LHPP: variants seen among roughly 807,000 people sequenced by gnomAD.
The protein encoded by LHPP is phospholysine phosphohistidine inorganic pyrophosphate phosphatase.
LHPP carries 24 observed loss-of-function variants against 30.3 expected under a neutral mutation model. The observed-to-expected ratio is 0.79, with a 90% CI of 0.57 to 1.11. LHPP has a LOEUF of 1.11. Among genes scored for constraint, LHPP ranks in the 50% most tolerant of loss-of-function variants. The pLI is 0.00. For missense variants in LHPP, 356 were observed against 367.2 expected (o/e 0.97, Z 0.25); for synonymous variants, 150 against 157.1 (o/e 0.95, Z 0.34).
intron 6 of LHPP, among the ~76,000 whole-genome samples, chr10:124,595,334 T>C (rs1948929517): frequency 1.3e-5 from 2 of 152,188 alleles, no homozygotes; most frequent in Admixed American, 6.5e-5. Context: ...CAGAGCCCGG[T>C]TGTCCCCCAT....
At chr10:124,547,348 T>G (rs910540441) in intron 6 of LHPP, among the ~76,000 whole-genome samples, 3 of 152,280 alleles carry the variant, frequency 2.0e-5, no homozygotes, top group African/African-American at 7.2e-5. Context: ...GTTTTTAAAC[T>G]TTCTAATTTC....
Position 124,537,518 on chromosome 10 carries a change from G to A in LHPP, c.716+20247G>A, listed in dbSNP as rs375908609. Among the ~76,000 whole-genome samples, 20 of 152,362 alleles carry A rather than the reference G, an allele frequency of 1.3e-4. No homozygotes were observed. The East Asian group carries it at 1.5e-3, about 12-fold the overall frequency. The stretch of plus-strand genomic sequence containing the variant: ...GGTGGAGACTCCTGTCCACTGCTCA[G>A]CACTAGGCCTGCAGCAGACACCATG... On this transcript the variant is annotated intron_variant, in intron 6 of 6. Coordinates refer to ENST00000368842, the MANE Select transcript of LHPP (RefSeq NM_022126.4).
chr10:124,526,237 C>T, intron 6 of LHPP: 2 of 985,336 alleles, frequency 2.0e-6, no homozygotes, highest in Non-Finnish European at 2.4e-6. Flanking sequence ...AAGCGCGTTC[C>T]CCAGGAGCTG....
At chr10:124,512,473 G>A (rs1019934724) in intron 5 of LHPP, among the ~76,000 whole-genome samples, 5 of 151,828 alleles carry the variant, frequency 3.3e-5, no homozygotes, top group Admixed American at 6.6e-5. Context: ...AACAAACAGC[G>A]GGGCATGGTG....
At chr10:124,506,068 AC>A (rs1308763129) in intron 5 of LHPP, among the ~76,000 whole-genome samples, 12 of 151,940 alleles carry the variant, frequency 7.9e-5, no homozygotes, top group Non-Finnish European at 1.5e-4. Flanking sequence ...ACATGGTGAA[AC>A]CCTGTCTCTA....
chr10:124,518,538 G>A (rs184782987), intron 6 of LHPP, among the ~76,000 whole-genome samples: 11 of 152,366 alleles, frequency 7.2e-5, no homozygotes, highest in Admixed American at 3.3e-4. Flanking sequence ...CGCCCCATGC[G>A]TCTCAGGGCA....
In LHPP at chr10:124,484,301, G is replaced by A. The variant is rs752410913; in HGVS notation, c.288G>A (p.Leu96=). The change falls in exon 2 of 7, where the codon CTG becomes CTA. Residue 96 remains leucine (L), a synonymous_variant. Transcript: ENST00000368842. The part of the protein sequence containing the change: ...AACQILKEQG[L]RPYLLIHDGV... ...GCCAGATCCTGAAGGAGCAAGGCCT[G>A]CGACCATACCTGCTCATCCATGACG... is the stretch of plus-strand genomic sequence containing the variant. The A allele has an allele frequency of 3.1e-6, 5 of 1,613,848 alleles. No homozygotes were observed. Among genetic ancestry groups the A allele is most frequent in the Non-Finnish European group, 4.2e-6 (5 of 1,179,904 alleles).
At chr10:124,570,786 G>A (rs1305688493) in intron 6 of LHPP, among the ~76,000 whole-genome samples, 1 of 152,202 alleles carries the variant, frequency 6.6e-6, no homozygotes. Flanking sequence ...CTGTGTTACG[G>A]TGTGTATCAG....
chr10:124,604,597 G>A (rs1463356296), intron 6 of LHPP, among the ~76,000 whole-genome samples: 2 of 152,122 alleles, frequency 1.3e-5, no homozygotes, highest in African/African-American at 4.8e-5. Context: ...CCAGGCCCCC[G>A]GGGGTCTTGG....
intron 1 of LHPP, among the ~76,000 whole-genome samples, chr10:124,468,000 A>G (rs7091226): frequency 0.46 from 70,206 of 152,014 alleles, 17,210 homozygotes; most frequent in African/African-American, 0.6. Context: ...ATGAGCCACC[A>G]TGCCCAGCCC....
intron 5 of LHPP, among the ~76,000 whole-genome samples, chr10:124,500,714 G>A (rs1953872705): frequency 6.7e-6 from 1 of 149,858 alleles, no homozygotes; most frequent in African/African-American, 2.5e-5. Flanking sequence ...TTCACACTAA[G>A]ATGACTGTAT....
chr10:124,588,571 G>C (rs958630562), intron 6 of LHPP, among the ~76,000 whole-genome samples: 2 of 152,238 alleles, frequency 1.3e-5, no homozygotes, highest in South Asian at 2.1e-4. Context: ...CACAGTGCCC[G>C]GCCCAGCTTT....
intron 6 of LHPP, among the ~76,000 whole-genome samples, chr10:124,550,009 C>T (rs1367179846): frequency 1.3e-5 from 2 of 152,240 alleles, no homozygotes; most frequent in Non-Finnish European, 2.9e-5. Flanking sequence ...GGTGTCCTGA[C>T]CTTGGCATGC....
chr10:124,527,488 T>TG (rs1954771911), intron 6 of LHPP, among the ~76,000 whole-genome samples: 1 of 152,216 alleles, frequency 6.6e-6, no homozygotes, highest in Admixed American at 6.5e-5. Context: ...GTCCTCAGGT[T>TG]GGGGACAGCC....
At chr10:124,595,901 C>T (rs960945160) in intron 6 of LHPP, among the ~76,000 whole-genome samples, 2 of 152,180 alleles carry the variant, frequency 1.3e-5, no homozygotes, top group African/African-American at 4.8e-5. Context: ...GCACAGCCAC[C>T]CAGATGAAGA....
chr10:124,497,120 T>A, intron 4 of LHPP, 96 bp downstream of exon 4: 1 of 991,232 alleles, frequency 1.0e-6, no homozygotes, highest in Non-Finnish European at 1.6e-6. Context: ...TTAATTAACG[T>A]ACAAATGGCC....
intron 6 of LHPP, among the ~76,000 whole-genome samples, chr10:124,549,752 GGGCATGGCCGGGAAA>G (rs1174022162): frequency 6.6e-6 from 1 of 152,108 alleles, no homozygotes; most frequent in Non-Finnish European, 1.5e-5. Context: ...TGGCCGGGGT[GGGCATGGCCGGGAAA>G]GGCATGGCCT....
intron 6 of LHPP, among the ~76,000 whole-genome samples, chr10:124,558,811 C>T (rs968000486): frequency 5.9e-5 from 9 of 152,242 alleles, no homozygotes; most frequent in African/African-American, 1.7e-4. Context: ...AGGAGCCATC[C>T]GAGCAGGCCC....
chr10:124,529,510 T>G (rs1954831820), intron 6 of LHPP, among the ~76,000 whole-genome samples: 1 of 152,170 alleles, frequency 6.6e-6, no homozygotes, highest in Admixed American at 6.5e-5. Context: ...TCAGTGGCAC[T>G]GAGGCTGCTC....
Sources: allele counts gnomAD v4.1 joint callset (sites outside exome capture counted in the v4.1 genomes callset), GRCh38; gene constraint gnomAD v4.1.1; transcripts MANE v1.5; gene names NCBI Gene and HGNC (gene_info 2026-07-23, HGNC 2026-07-21).